Variants in PATJ observed in about 807,000 individuals in gnomAD.
PATJ encodes inaD-like protein.
In PATJ, 190 loss-of-function variants were observed where a neutral mutation model predicts 224.9. The ratio of observed to expected loss-of-function variants is 0.84; its 90% CI spans 0.75 to 0.95. PATJ has a LOEUF of 0.95. PATJ is among the 40% of genes least tolerant of loss of function. PATJ has a pLI of 0.00. For missense variants in PATJ, 2,121 were observed against 2,270.3 expected (o/e 0.93, Z 1.34); for synonymous variants, 769 against 820.3 (o/e 0.94, Z 1.07).
intron 31 of PATJ, among the ~76,000 whole-genome samples, chr1:62,058,717 G>C (rs1457610591): frequency 6.6e-6 from 1 of 152,182 alleles, no homozygotes; most frequent in East Asian, 1.9e-4. Context: ...ATGAAATGTA[G>C]GTGTGCCAGA....
chr1:61,827,623 A>G (rs370767261), intron 16 of PATJ, 40 bp downstream of exon 16: 12 of 1,579,306 alleles, frequency 7.6e-6, no homozygotes, highest in Non-Finnish European at 1.0e-5. Context: ...AGGCATGCCC[A>G]TTCATCAAAG....
intron 43 of PATJ, among the ~76,000 whole-genome samples, chr1:62,157,870 CT>C (rs796932723): frequency 6.2e-5 from 9 of 144,696 alleles, no homozygotes; most frequent in African/African-American, 2.2e-4. Flanking sequence ...CCAAGCCAGC[CT>C]TAGGTCTTAG....
At chr1:62,106,063 A>AATATAT (rs1553268230) in intron 33 of PATJ, among the ~76,000 whole-genome samples, 773 of 39,650 alleles carry the variant, frequency 0.019, 108 homozygotes, top group Non-Finnish European at 0.027. Flanking sequence ...AAAAAAAAAA[A>AATATAT]ATATATATAT....
intron 14 of PATJ, among the ~76,000 whole-genome samples, chr1:61,812,072 A>G (rs546933015): frequency 4.2e-4 from 64 of 151,492 alleles, no homozygotes; most frequent in African/African-American, 1.6e-3. Flanking sequence ...AAAAAAAAAC[A>G]CTATATTTTT....
chr1:62,156,779 G>A (rs1303741215), intron 43 of PATJ, among the ~76,000 whole-genome samples: 1 of 149,926 alleles, frequency 6.7e-6, no homozygotes, highest in Non-Finnish European at 1.5e-5. Context: ...AGCTGGTCAT[G>A]GTGGCACACA....
At chr1:61,805,398 A>T in intron 12 of PATJ, 50 bp from the exon 13 acceptor site, 1 of 1,146,786 alleles carries the variant, frequency 8.7e-7, no homozygotes, top group Non-Finnish European at 1.3e-6. Flanking sequence ...TGTTTGGCTC[A>T]CAGTAGTTTC....
intron 14 of PATJ, among the ~76,000 whole-genome samples, chr1:61,816,186 G>C (rs527324925): frequency 3.8e-4 from 58 of 152,314 alleles, no homozygotes; most frequent in African/African-American, 1.4e-3. Flanking sequence ...TTTAAGGCAA[G>C]AGGGATGTAC....
In PATJ at chr1:61,827,454, C is replaced by G. The variant is rs758075420; in HGVS notation, c.1851C>G (p.Arg617=). 3.3e-5 allele frequency: 53 copies of G among 1,613,824 alleles called. 1 individual carries two copies. The highest frequency in any genetic ancestry group is 4.3e-5 in the Non-Finnish European group (51 of 1,179,964). Reference sequence around the variant, plus strand: ...GCATGCAGCTTTATGGAAAATCTCGCCGAGAAGCAGTCTCCTTTCTTAAAG... The same window carrying G: ...GCATGCAGCTTTATGGAAAATCTCGGCGAGAAGCAGTCTCCTTTCTTAAAG... The part of the protein sequence containing the change: ...VNGMQLYGKS[R]REAVSFLKEV... Residue 617 remains arginine (R), a synonymous_variant, in exon 16 of 44, where the codon CGC becomes CGG. Coordinates refer to ENST00000642238, the MANE Select transcript of PATJ (RefSeq NM_001350145.3).
chr1:61,754,120 A>G (rs1467980074), intron 1 of PATJ, among the ~76,000 whole-genome samples: 1 of 152,306 alleles, frequency 6.6e-6, no homozygotes, highest in South Asian at 2.1e-4. Flanking sequence ...CTGTCCAACT[A>G]TGAGGACAGT....
intron 7 of PATJ, among the ~76,000 whole-genome samples, chr1:61,776,787 G>A (rs569894069): frequency 2.0e-4 from 31 of 151,376 alleles, no homozygotes; most frequent in South Asian, 8.3e-4. Context: ...GGGCAGTGGC[G>A]TGATCTTGGC....
intron 20 of PATJ, among the ~76,000 whole-genome samples, chr1:61,874,810 G>A (rs1667136097): frequency 6.6e-6 from 1 of 152,212 alleles, no homozygotes; most frequent in Non-Finnish European, 1.5e-5. Flanking sequence ...GCAGATAAGA[G>A]TGCTAACAAA....
At chr1:61,861,318 A>G (rs1304925253) in intron 18 of PATJ, among the ~76,000 whole-genome samples, 4 of 46,322 alleles carry the variant, frequency 8.6e-5, no homozygotes, top group South Asian at 5.0e-4. Flanking sequence ...ACGTGAATGA[A>G]TCTTTTCTTT....
In PATJ at chr1:62,036,871, C is replaced by CAAAAAAAAAAAAAAAAAAAAAA. The variant is rs55761910; in HGVS notation, c.3960-1096_3960-1095insAAAAAAAAAAAAAAAAAAAAAA. ...TTGGTGACAAAGTGAGACTCCATCTCAAAAAAAAAAGAAGGAAGAAAGGAA... is the reference window on the plus strand; with the variant it reads ...TTGGTGACAAAGTGAGACTCCATCTCAAAAAAAAAAAAAAAAAAAAAAAAAAAAAAAAGAAGGAAGAAAGGAA... On this transcript the variant is annotated intron_variant, in intron 29 of 43. Transcript: ENST00000642238. Among the ~76,000 whole-genome samples the CAAAAAAAAAAAAAAAAAAAAAA allele has an allele frequency of 7.0e-4, 47 of 67,330 alleles. 5 individuals carry two copies. The highest frequency in any genetic ancestry group is 2.0e-3 in the South Asian group (3 of 1,486). The allele number at this position is 67,330 out of a possible 152,430, so 44.2% of individuals were successfully genotyped here. A position where few individuals can be genotyped will look rare whatever the true frequency, so the allele number is the denominator to read the frequency against.
At chr1:62,159,025 TAC>T (rs1488162959) in intron 43 of PATJ, among the ~76,000 whole-genome samples, 1 of 152,204 alleles carries the variant, frequency 6.6e-6, no homozygotes, top group Non-Finnish European at 1.5e-5. Context: ...AAAATTAATT[TAC>T]ACAGATATCT....
intron 13 of PATJ, 146 bp downstream of exon 13, chr1:61,805,670 C>T (rs541301855): frequency 8.0e-5 from 46 of 578,240 alleles, no homozygotes; most frequent in African/African-American, 3.2e-4. Flanking sequence ...GTGGATCAAT[C>T]GATTTTTTTC....
chr1:62,084,858 T>C, intron 33 of PATJ, among the ~76,000 whole-genome samples: 1 of 152,066 alleles, frequency 6.6e-6, no homozygotes, highest in Admixed American at 6.5e-5. Flanking sequence ...TGGCTCACAC[T>C]TATAATCCCA....
chr1:61,995,787 A>G (rs1209913017), intron 28 of PATJ, among the ~76,000 whole-genome samples: 1 of 152,238 alleles, frequency 6.6e-6, no homozygotes, highest in African/African-American at 2.4e-5. Context: ...ATGCTAGAGT[A>G]TTGGCTTTCC....
At chr1:61,940,586 C>T (rs147438075) in intron 27 of PATJ, among the ~76,000 whole-genome samples, 3,972 of 151,778 alleles carry the variant, frequency 0.026, 156 homozygotes, top group African/African-American at 0.092. Flanking sequence ...TGTGGTGGCA[C>T]GCACCTGTAG....
At chr1:61,866,704 T>C (rs144865684) in intron 20 of PATJ, among the ~76,000 whole-genome samples, 16 of 152,280 alleles carry the variant, frequency 1.1e-4, no homozygotes, top group African/African-American at 3.9e-4. Context: ...GAGGTCCTGA[T>C]CCAGATGCCA....
Sources: allele counts gnomAD v4.1 joint callset (sites outside exome capture counted in the v4.1 genomes callset), GRCh38; gene constraint gnomAD v4.1.1; transcripts MANE v1.5; gene names NCBI Gene and HGNC (gene_info 2026-07-23, HGNC 2026-07-21).